FERMT2: variants seen among roughly 807,000 people sequenced by gnomAD.
FERMT2 encodes the protein FERM domain containing kindlin 2, also known as fermitin family homolog 2.
Under a neutral mutation model 82.7 loss-of-function variants are expected in FERMT2, and 15 were observed. The observed-to-expected ratio is 0.18, with a 90% CI of 0.12 to 0.28. The LOEUF (loss-of-function observed/expected upper bound fraction) is 0.28, where lower values mean the gene tolerates loss of function less well. Ranked by LOEUF, FERMT2 falls within the 10% of genes least tolerant of loss-of-function variation. The pLI, the probability that FERMT2 is intolerant of heterozygous loss-of-function variation, is 1.00. For synonymous variants in FERMT2, 274 were observed against 271.5 expected, an observed-to-expected ratio of 1.01 and a Z score of -0.09; for missense variants, 645 against 809.4, an observed-to-expected ratio of 0.80 and a Z score of 2.46.
chr14:52,937,470 G>A (rs1205261449), intron 2 of FERMT2, among the ~76,000 whole-genome samples: 6 of 152,040 alleles, frequency 3.9e-5, no homozygotes, highest in Non-Finnish European at 8.8e-5. Context: ...TTTCCACCCT[G>A]TCTCTCTTTA....
chr14:52,918,729 T>C lies in FERMT2; in HGVS notation c.391+394A>G, dbSNP rs1888768858. Among the ~76,000 whole-genome samples the C allele has an allele frequency of 2.0e-5, 3 of 152,168 alleles. No individual in the cohort carries two copies. In the South Asian group the frequency reaches 6.2e-4, roughly 32 times the overall value. Reference sequence around the variant, plus strand: ...GAAGGAAGACAACACTCATAGTCATTTCCTTAGGAGCTGTGTCAGGCCTTC... The same window carrying C: ...GAAGGAAGACAACACTCATAGTCATCTCCTTAGGAGCTGTGTCAGGCCTTC... On this transcript the variant is annotated intron_variant, in intron 3 of 14. Transcript: ENST00000341590.
At chr14:52,859,499 A>G in intron 14 of FERMT2, 74 bp downstream of exon 14, 4 of 1,239,972 alleles carry the variant, frequency 3.2e-6, no homozygotes, top group Non-Finnish European at 3.2e-6. Flanking sequence ...CAGAATTTAT[A>G]GGCCTTTTTA....
chr14:52,865,185 G>A (rs905106061), intron 10 of FERMT2, among the ~76,000 whole-genome samples: 2 of 152,172 alleles, frequency 1.3e-5, no homozygotes, highest in Non-Finnish European at 1.5e-5. Context: ...GCCGGGGGTG[G>A]TGGTGGACAC....
rs1044509160 is a variant in FERMT2 at position 52,859,256 on chromosome 14, G to C, written c.1869+317C>G. ...GTTTAGAGACAGGGTACTAATGTAAGCCTCTAAGTATCATGTCTGGCACAG... is the reference window on the plus strand; with the variant it reads ...GTTTAGAGACAGGGTACTAATGTAACCCTCTAAGTATCATGTCTGGCACAG... On this transcript the variant is annotated intron_variant, in intron 14 of 14. Transcript: ENST00000341590. The C allele has an allele frequency of 8.3e-5, 18 of 216,876 alleles. 1 individual carries two copies. In the Admixed American group the frequency reaches 1.0e-3, roughly 12 times the overall value. 13.4% of individuals were successfully genotyped at this position (216,876 alleles called of 1,614,324 possible).
rs1316247238 is a variant in FERMT2 at position 52,857,417 on chromosome 14, A to G, written c.*960T>C. On this transcript the variant is annotated 3_prime_UTR_variant, in exon 15 of 15. Transcript: ENST00000341590. ...TAGGAATTTTCTGACTAGCACCAATACAGATTGTAACAGCGCAACAGACTA... is the reference window on the plus strand; with the variant it reads ...TAGGAATTTTCTGACTAGCACCAATGCAGATTGTAACAGCGCAACAGACTA... 1 of 152,638 alleles carries G rather than the reference A, an allele frequency of 6.6e-6. No individual in the cohort carries two copies. Among genetic ancestry groups the G allele is most frequent in the African/African-American group, 2.4e-5 (1 of 41,442 alleles). 9.5% of individuals were successfully genotyped at this position (152,638 alleles called of 1,614,324 possible). A position where few individuals can be genotyped will look rare whatever the true frequency, so the allele number is the denominator to read the frequency against.
At chr14:52,949,922 G>A (rs1890547049) in intron 2 of FERMT2, among the ~76,000 whole-genome samples, 1 of 152,182 alleles carries the variant, frequency 6.6e-6, no homozygotes, top group South Asian at 2.1e-4. Flanking sequence ...ACGTAGAACA[G>A]CCACAGAAAC....
intron 3 of FERMT2, among the ~76,000 whole-genome samples, chr14:52,908,704 G>C (rs1236784418): frequency 6.6e-6 from 1 of 152,178 alleles, no homozygotes; most frequent in South Asian, 2.1e-4. Context: ...ACATCTTGCT[G>C]GTGGTCCACT....
At chr14:52,864,370 C>A (rs1885143846) in intron 12 of FERMT2, 31 bp downstream of exon 12, 1 of 1,512,754 alleles carries the variant, frequency 6.6e-7, no homozygotes, top group African/African-American at 1.4e-5. Context: ...AACAAACCAG[C>A]ACAGTAGATG....
chr14:52,904,369 T>G (rs986913592), intron 3 of FERMT2, among the ~76,000 whole-genome samples: 52 of 152,298 alleles, frequency 3.4e-4, no homozygotes, highest in African/African-American at 1.2e-3. Flanking sequence ...ATTAAAAAAT[T>G]AGCTGGGCAT....
chr14:52,926,784 T>A (rs1364877504), intron 2 of FERMT2, among the ~76,000 whole-genome samples: 1 of 152,174 alleles, frequency 6.6e-6, no homozygotes, highest in Non-Finnish European at 1.5e-5. Context: ...AGAAAAGGGA[T>A]TTTATGATTT....
intron 14 of FERMT2, chr14:52,858,929 T>C (rs1884733431): frequency 1.8e-5 from 3 of 169,058 alleles, no homozygotes. Context: ...GGTATCACGT[T>C]TGAGTATTTC....
chr14:52,890,598 C>A lies in FERMT2; in HGVS notation c.526+2695G>T, dbSNP rs905682560. 1.2e-4 allele frequency among the ~76,000 whole-genome samples: 14 copies of A among 120,082 alleles called. No individual in the cohort carries two copies. In the Admixed American group the frequency reaches 1.4e-3, roughly 12 times the overall value. The allele number at this position is 120,082 out of a possible 152,430, so 78.8% of individuals were successfully genotyped here. A position where few individuals can be genotyped will look rare whatever the true frequency, so the allele number is the denominator to read the frequency against. On this transcript the variant is annotated intron_variant, in intron 4 of 14. Transcript: ENST00000341590. ...TGTCACAATATTACATAGACATAATCTTTTATCCTCTTTTTTTTTTTTTGA... is the reference window on the plus strand; with the variant it reads ...TGTCACAATATTACATAGACATAATATTTTATCCTCTTTTTTTTTTTTTGA...
intron 12 of FERMT2, chr14:52,861,270 A>G (rs1884919593): frequency 4.0e-6 from 2 of 498,886 alleles, no homozygotes; most frequent in Non-Finnish European, 7.0e-6. Context: ...AACACTCCAC[A>G]TTATTTTAGA....
chr14:52,875,160 T>C, intron 8 of FERMT2, 63 bp downstream of exon 8: 1 of 1,417,796 alleles, frequency 7.1e-7, no homozygotes, highest in Non-Finnish European at 9.7e-7. Flanking sequence ...TGAACCTAAA[T>C]CCACAAAATG....
At chr14:52,909,352 AG>A (rs1331517013) in intron 3 of FERMT2, among the ~76,000 whole-genome samples, 1 of 152,192 alleles carries the variant, frequency 6.6e-6, no homozygotes, top group Non-Finnish European at 1.5e-5. Flanking sequence ...TGACATGCTG[AG>A]GGGTGAGGAA....
chr14:52,885,312 CA>C (rs1181582996), intron 4 of FERMT2, among the ~76,000 whole-genome samples: 2,093 of 60,856 alleles, frequency 0.034, 26 homozygotes, highest in African/African-American at 0.11. Context: ...GACTTAGTCT[CA>C]AAAAAAAAAA....
intron 2 of FERMT2, among the ~76,000 whole-genome samples, chr14:52,931,116 A>G (rs1477347903): frequency 6.6e-6 from 1 of 152,112 alleles, no homozygotes; most frequent in African/African-American, 2.4e-5. Flanking sequence ...TGTATAATCA[A>G]TGCACTAATT....
At chr14:52,906,953 G>C (rs1019729567) in intron 3 of FERMT2, among the ~76,000 whole-genome samples, 4 of 146,216 alleles carry the variant, frequency 2.7e-5, no homozygotes, top group Non-Finnish European at 4.5e-5. Flanking sequence ...TATTGGGGGG[G>C]GGGGGGGAAT....
At chr14:52,914,133 C>G (rs1218787120) in intron 3 of FERMT2, among the ~76,000 whole-genome samples, 1 of 151,834 alleles carries the variant, frequency 6.6e-6, no homozygotes, top group Non-Finnish European at 1.5e-5. Flanking sequence ...GAGGCCGAGG[C>G]AGGTGGATTG....
Sources: allele counts gnomAD v4.1 joint callset (sites outside exome capture counted in the v4.1 genomes callset), GRCh38; gene constraint gnomAD v4.1.1; transcripts MANE v1.5; gene names NCBI Gene and HGNC (gene_info 2026-07-23, HGNC 2026-07-21).